KCNIP3: variants seen among roughly 807,000 people sequenced by gnomAD.
KCNIP3 encodes the protein potassium voltage-gated channel interacting protein 3.
In KCNIP3, 28 loss-of-function variants were observed where a neutral mutation model predicts 35.0. The ratio of observed to expected loss-of-function variants is 0.80; its 90% CI spans 0.59 to 1.10. KCNIP3 has a LOEUF of 1.10. KCNIP3 is among the 50% of genes least tolerant of loss of function. The pLI, the probability that KCNIP3 is intolerant of heterozygous loss-of-function variation, is 0.00. For synonymous variants in KCNIP3, 134 were observed against 133.8 expected, an observed-to-expected ratio of 1.00 and a Z score of -0.01; for missense variants, 295 against 338.4, an observed-to-expected ratio of 0.87 and a Z score of 1.01.
At chr2:95,373,946 T>C (rs1011076900) in intron 2 of KCNIP3, among the ~76,000 whole-genome samples, 10 of 152,242 alleles carry the variant, frequency 6.6e-5, no homozygotes, top group African/African-American at 2.4e-4. Context: ...CAAGTGTCCC[T>C]CATGCCTGTC....
chr2:95,365,032 AT>A (rs1679885412), intron 2 of KCNIP3, among the ~76,000 whole-genome samples: 1 of 151,852 alleles, frequency 6.6e-6, no homozygotes, highest in African/African-American at 2.4e-5. Flanking sequence ...GTGAGCTGTG[AT>A]TGCACCACTG....
intron 1 of KCNIP3, among the ~76,000 whole-genome samples, chr2:95,298,467 A>G (rs1248993016): frequency 6.6e-6 from 1 of 152,282 alleles, no homozygotes; most frequent in Non-Finnish European, 1.5e-5. Context: ...AGGAAGGAGA[A>G]AGAAAGAAGG....
intron 2 of KCNIP3, among the ~76,000 whole-genome samples, chr2:95,327,764 G>T (rs1392392159): frequency 1.3e-5 from 2 of 152,200 alleles, no homozygotes; most frequent in African/African-American, 4.8e-5. Context: ...CCATCTGTTT[G>T]TCCATCTATC....
intron 2 of KCNIP3, among the ~76,000 whole-genome samples, chr2:95,345,401 G>A (rs908298360): frequency 6.6e-6 from 1 of 152,248 alleles, no homozygotes; most frequent in Non-Finnish European, 1.5e-5. Context: ...CGCGCTCCAG[G>A]GGGCCCTCGC....
At chr2:95,347,068 C>A (rs971541853) in intron 2 of KCNIP3, 2 of 1,612,154 alleles carry the variant, frequency 1.2e-6, no homozygotes, top group Non-Finnish European at 1.7e-6. Flanking sequence ...GGTGGTGCTG[C>A]TGTTCATCGC....
At chr2:95,350,070 G>A (rs1166295394) in intron 2 of KCNIP3, among the ~76,000 whole-genome samples, 2 of 152,148 alleles carry the variant, frequency 1.3e-5, no homozygotes, top group Non-Finnish European at 2.9e-5. Context: ...GCTGAAATAC[G>A]GTTCTCAAGG....
intron 1 of KCNIP3, among the ~76,000 whole-genome samples, chr2:95,309,643 C>T (rs1019655599): frequency 3.9e-5 from 6 of 152,112 alleles, no homozygotes; most frequent in Non-Finnish European, 7.4e-5. Context: ...AGGCTGGTCT[C>T]GAACTCCTGA....
chr2:95,365,413 C>T (rs1333779078), intron 2 of KCNIP3, among the ~76,000 whole-genome samples: 4 of 152,158 alleles, frequency 2.6e-5, no homozygotes, highest in African/African-American at 4.8e-5. Context: ...CCACCCGCCT[C>T]GGCCTCCCAA....
rs568001425 is a variant in KCNIP3 at position 95,328,322 on chromosome 2, G to A, written c.181+17802G>A. On this transcript the variant is annotated intron_variant, in intron 2 of 8. Coordinates refer to ENST00000295225, the MANE Select transcript of KCNIP3 (RefSeq NM_013434.5). ...GAAAGAATGTGAGCTGTCTGAGGTC[G>A]TTTAGGTCTAACTCCCAGAGCAGTG... Among the ~76,000 whole-genome samples, 5 of 152,322 alleles carry A rather than the reference G, an allele frequency of 3.3e-5. No individual in the cohort carries two copies. In the East Asian group the frequency reaches 5.8e-4, roughly 18 times the overall value.
chr2:95,382,528 AGGGGCTCTCGCTTTT>A lies in KCNIP3; in HGVS notation c.660+53_660+67del. 7.0e-7 allele frequency: 1 copy of A among 1,434,622 alleles called. No individual in the cohort carries two copies. Among genetic ancestry groups the A allele is most frequent in the Non-Finnish European group, 9.6e-7 (1 of 1,046,234 alleles). 88.9% of individuals were successfully genotyped at this position (1,434,622 alleles called of 1,614,324 possible). ...CTAGGGAGGGGAGCCTGGCAGAGGA[AGGGGCTCTCGCTTTT>A]GGGGCCACCCCGGGCAAGTGGCTTG... On this transcript the variant is annotated intron_variant, in intron 7 of 8. Coordinates refer to ENST00000295225, the MANE Select transcript of KCNIP3 (RefSeq NM_013434.5). The surrounding 1 kb of genome is among the most constrained non-coding windows in gnomAD (Gnocchi z 4.5).
intron 2 of KCNIP3, among the ~76,000 whole-genome samples, chr2:95,339,213 A>G (rs752386739): frequency 6.6e-6 from 1 of 152,076 alleles, no homozygotes; most frequent in Non-Finnish European, 1.5e-5. Context: ...TTTGGCCCCA[A>G]TTTCAGGTGT....
At chr2:95,301,429 G>A (rs1197612190) in intron 1 of KCNIP3, among the ~76,000 whole-genome samples, 2 of 152,256 alleles carry the variant, frequency 1.3e-5, no homozygotes, top group African/African-American at 4.8e-5. Flanking sequence ...AGCCCTGACT[G>A]CACCAGCAGA....
intron 1 of KCNIP3, among the ~76,000 whole-genome samples, chr2:95,307,559 G>A (rs192596492): frequency 1.3e-3 from 197 of 152,372 alleles, no homozygotes; most frequent in Non-Finnish European, 2.4e-3. Flanking sequence ...ACATCCACTT[G>A]GGAGGTGCTC....
intron 2 of KCNIP3, among the ~76,000 whole-genome samples, chr2:95,332,170 C>T (rs1051694724): frequency 1.2e-4 from 18 of 152,324 alleles, no homozygotes; most frequent in African/African-American, 2.4e-4. Context: ...GGCAAAAGGC[C>T]GGTCCTCCTG....
chr2:95,316,312 A>G (rs1377476475), intron 2 of KCNIP3, among the ~76,000 whole-genome samples: 1 of 152,214 alleles, frequency 6.6e-6, no homozygotes, highest in African/African-American at 2.4e-5. Context: ...CCCGCCGGGC[A>G]CCGCACCTTC....
chr2:95,360,412 T>C (rs1020102799), intron 2 of KCNIP3, among the ~76,000 whole-genome samples: 1 of 152,190 alleles, frequency 6.6e-6, no homozygotes, highest in African/African-American at 2.4e-5. Context: ...TTCCTACAGC[T>C]CTTCTCATCT....
chr2:95,335,995 G>A (rs1315330731), intron 2 of KCNIP3, among the ~76,000 whole-genome samples: 2 of 151,904 alleles, frequency 1.3e-5, no homozygotes, highest in African/African-American at 2.4e-5. Context: ...CTGTTCCTCC[G>A]TTATTATCAT....
intron 2 of KCNIP3, among the ~76,000 whole-genome samples, chr2:95,327,474 ACT>A (rs948810751): frequency 7.0e-5 from 10 of 142,900 alleles, no homozygotes; most frequent in Admixed American, 5.0e-4. Flanking sequence ...GCACACTCAC[ACT>A]CTCTGTCACA....
Position 95,325,704 on chromosome 2 carries a change from TAC to T in KCNIP3, c.181+15190_181+15191del, listed in dbSNP as rs534021235. Among the ~76,000 whole-genome samples the T allele has an allele frequency of 1.1e-3, 165 of 143,666 alleles. 1 individual carries two copies. The highest frequency in any genetic ancestry group is 4.1e-3 in the South Asian group (18 of 4,392). 94.3% of individuals were successfully genotyped at this position (143,666 alleles called of 152,430 possible). Reference sequence around the variant, plus strand: ...ACTCATACACATACACACTCATACATACACACAGTCATACACTTATACACATA... The same window carrying T: ...ACTCATACACATACACACTCATACATACACAGTCATACACTTATACACATA... On this transcript the variant is annotated intron_variant, in intron 2 of 8. Transcript: ENST00000295225.
Sources: allele counts gnomAD v4.1 joint callset (sites outside exome capture counted in the v4.1 genomes callset), GRCh38; gene constraint gnomAD v4.1.1; non-coding constraint Gnocchi (gnomAD v3.1); transcripts MANE v1.5; gene names NCBI Gene and HGNC (gene_info 2026-07-23, HGNC 2026-07-21).